The following IQCH variants were observed in gnomAD, a reference collection of about 807,000 sequenced individuals.
IQCH encodes the protein IQ domain-containing protein H.
IQCH carries 98 observed loss-of-function variants against 117.0 expected under a neutral mutation model. The ratio of observed to expected loss-of-function variants is 0.84; its 90% CI spans 0.71 to 0.99. The LOEUF is 0.99. Ranked by LOEUF, IQCH falls within the 50% of genes least tolerant of loss-of-function variation. The pLI is 0.00. For missense variants in IQCH, 1,102 were observed against 1,243.8 expected (o/e 0.89, Z 1.72); for synonymous variants, 412 against 448.2 (o/e 0.92, Z 1.02).
In IQCH at chr15:67,381,632, T is replaced by C. The variant is rs538331059; in HGVS notation, c.1373-3304T>C. On this transcript the variant is annotated intron_variant, in intron 10 of 20. Coordinates refer to ENST00000335894, the MANE Select transcript of IQCH (RefSeq NM_001031715.3). This position sits in a 1 kb window ranked among gnomAD's most constrained non-coding sequence, Gnocchi z 5.1. Reference sequence around the variant, plus strand: ...GTTCTCCAGCTTAGAGACCCAATTTTAGAAGAGTTGAAAGAAGGGGGAGTG... The same window carrying C: ...GTTCTCCAGCTTAGAGACCCAATTTCAGAAGAGTTGAAAGAAGGGGGAGTG... Among the ~76,000 whole-genome samples the C allele has an allele frequency of 1.3e-5, 2 of 152,198 alleles. No homozygotes were observed. Among genetic ancestry groups the C allele is most frequent in the East Asian group, 3.9e-4 (2 of 5,180 alleles).
intron 4 of IQCH, among the ~76,000 whole-genome samples, chr15:67,286,901 C>T (rs1274902127): frequency 6.6e-6 from 1 of 152,190 alleles, no homozygotes; most frequent in Non-Finnish European, 1.5e-5. Context: ...GTGTGAGCCA[C>T]CACGCCCGGC....
intron 3 of IQCH, among the ~76,000 whole-genome samples, chr15:67,273,609 T>G (rs1332344400): frequency 2.0e-5 from 3 of 152,226 alleles, no homozygotes; most frequent in Admixed American, 6.5e-5. Flanking sequence ...CCTTACATAG[T>G]TTTATATTGC....
rs907905933 is a variant in IQCH, at chr15:67,496,770, G to A, written c.2970+2404G>A. Among the ~76,000 whole-genome samples, 5 of 152,040 alleles carry A rather than the reference G, an allele frequency of 3.3e-5. No individual in the cohort carries two copies. Among genetic ancestry groups the A allele is most frequent in the Admixed American group, 2.6e-4 (4 of 15,268 alleles). On this transcript the variant is annotated intron_variant, in intron 20 of 20. Transcript: ENST00000335894. This position sits in a 1 kb window ranked among gnomAD's most constrained non-coding sequence, Gnocchi z 4.4. ...ACGGTGGCTCACGCCTGTAATCCCA[G>A]CACTTTGGGAGGCCGAGGCTGGTGG...
intron 18 of IQCH, among the ~76,000 whole-genome samples, chr15:67,485,894 T>C (rs2083461761): frequency 6.6e-6 from 1 of 152,048 alleles, no homozygotes; most frequent in South Asian, 2.1e-4. Context: ...CTTTACCTCA[T>C]GATCGGCCCG....
chr15:67,283,708 A>G (rs1033227220), intron 4 of IQCH, among the ~76,000 whole-genome samples: 8 of 152,114 alleles, frequency 5.3e-5, no homozygotes, highest in Non-Finnish European at 8.8e-5. Flanking sequence ...TTTCGATATA[A>G]AAGTAATGGA....
intron 4 of IQCH, among the ~76,000 whole-genome samples, chr15:67,292,809 A>C (rs1966796905): frequency 6.6e-6 from 1 of 152,210 alleles, no homozygotes; most frequent in Non-Finnish European, 1.5e-5. Context: ...GTAATTCTTG[A>C]ATATAATAAA....
At chr15:67,309,697 G>A (rs1025042998) in intron 4 of IQCH, among the ~76,000 whole-genome samples, 5 of 151,700 alleles carry the variant, frequency 3.3e-5, no homozygotes, top group African/African-American at 1.2e-4. Flanking sequence ...GTTTCCAAGA[G>A]CAGGTTACTC....
At chr15:67,358,728 AAAAG>A (rs1438242364) in intron 7 of IQCH, among the ~76,000 whole-genome samples, 10 of 152,240 alleles carry the variant, frequency 6.6e-5, no homozygotes, top group African/African-American at 2.4e-4. Flanking sequence ...CTCTCATAAG[AAAAG>A]AAAGAAAGAG....
chr15:67,376,211 C>A lies in IQCH; in HGVS notation c.1372+2778C>A, dbSNP rs146307053. Among the ~76,000 whole-genome samples, 1 of 152,094 alleles carries A rather than the reference C, an allele frequency of 6.6e-6. No individual in the cohort carries two copies. The highest frequency in any genetic ancestry group is 1.5e-5 in the Non-Finnish European group (1 of 68,028). ...ATATATTTTTAAGGATATAGGGTACCCTTTTTTTGTGTACCACATCCCTGG... is the reference window on the plus strand; with the variant it reads ...ATATATTTTTAAGGATATAGGGTACACTTTTTTTGTGTACCACATCCCTGG... On this transcript the variant is annotated intron_variant, in intron 10 of 20. Transcript: ENST00000335894. This position sits in a 1 kb window ranked among gnomAD's most constrained non-coding sequence, Gnocchi z 5.0.
At chr15:67,357,304 C>A (rs368768816) in intron 6 of IQCH, 41 bp from the exon 7 acceptor site, 1 of 1,386,382 alleles carries the variant, frequency 7.2e-7, no homozygotes, top group Middle Eastern at 1.8e-4. Context: ...GACTCAGCCT[C>A]TTCTTCTGGA....
Position 67,390,676 on chromosome 15 carries a change from AC to A in IQCH, c.1632+1671del, listed in dbSNP as rs1971255335. Among the ~76,000 whole-genome samples the A allele has an allele frequency of 6.6e-6, 1 of 152,022 alleles. No homozygotes were observed. The highest frequency in any genetic ancestry group is 2.1e-4 in the South Asian group (1 of 4,810). ...GCTAATTTTTGTATTTTTAGTAGAG[AC>A]AGGGTTTCATTATGTTGGCCAGGCT... On this transcript the variant is annotated intron_variant, in intron 12 of 20. Coordinates refer to ENST00000335894, the MANE Select transcript of IQCH (RefSeq NM_001031715.3). The surrounding 1 kb of genome is among the most constrained non-coding windows in gnomAD (Gnocchi z 5.0).
intron 4 of IQCH, among the ~76,000 whole-genome samples, chr15:67,290,995 A>G (rs1966731775): frequency 6.6e-6 from 1 of 152,162 alleles, no homozygotes; most frequent in Admixed American, 6.6e-5. Flanking sequence ...TTTTCTGCAC[A>G]AGAAGAGCTA....
At position 67,460,611 on chromosome 15, in the gene IQCH, A is replaced by C. The variant is rs1027875282; in HGVS notation, c.2506-4516A>C. ...TATTCCTTGTGCTCTTAAGACCTTA[A>C]TATAAATCTCTCTAGCATTCTAACC... is the stretch of plus-strand genomic sequence containing the variant. On this transcript the variant is annotated intron_variant, in intron 16 of 20. Coordinates refer to ENST00000335894, the MANE Select transcript of IQCH (RefSeq NM_001031715.3). Among the ~76,000 whole-genome samples the C allele has an allele frequency of 2.4e-4, 37 of 152,330 alleles. 1 individual carries two copies. The highest frequency in any genetic ancestry group is 1.8e-3 in the Admixed American group (27 of 15,306).
chr15:67,346,722 A>G (rs1969411515), intron 6 of IQCH, among the ~76,000 whole-genome samples: 1 of 152,204 alleles, frequency 6.6e-6, no homozygotes. Flanking sequence ...GTAGACCATT[A>G]TAGAGCATTA....
Position 67,279,470 on chromosome 15 carries a change from A to G in IQCH, c.345A>G (p.Gln115=), listed in dbSNP as rs1247621104. 1.2e-6 allele frequency: 2 copies of G among 1,609,796 alleles called. No homozygotes were observed. The highest frequency in any genetic ancestry group is 8.5e-7 in the Non-Finnish European group (1 of 1,177,184). The change falls in exon 4 of 21, where the codon CAA becomes CAG. Residue 115 remains glutamine (Q), a synonymous_variant. Transcript: ENST00000335894. ...QESEGTFWQP[Q]RQHSSSLPVF... is the part of the protein sequence containing the mutation. The stretch of plus-strand genomic sequence containing the variant: ...CTGAGGGTACATTTTGGCAACCCCA[A>G]AGACAGCACAGTTCATCTCTGCCTG...
rs1464173291 is a variant in IQCH, at chr15:67,430,103, A to G, written c.2505+8526A>G. Among the ~76,000 whole-genome samples, 1 of 152,156 alleles carries G rather than the reference A, an allele frequency of 6.6e-6. No homozygotes were observed. The highest frequency in any genetic ancestry group is 6.5e-5 in the Admixed American group (1 of 15,268). Reference sequence around the variant, plus strand: ...AAATGGGGAAATTCTAGGCCTTCAGAGATGGCACGCAGAGTACATGGCACT... The same window carrying G: ...AAATGGGGAAATTCTAGGCCTTCAGGGATGGCACGCAGAGTACATGGCACT... On this transcript the variant is annotated intron_variant, in intron 16 of 20. Transcript: ENST00000335894. This position sits in a 1 kb window ranked among gnomAD's most constrained non-coding sequence, Gnocchi z 5.1.
intron 3 of IQCH, among the ~76,000 whole-genome samples, chr15:67,278,459 A>G (rs996158899): frequency 1.3e-5 from 2 of 152,232 alleles, no homozygotes; most frequent in Non-Finnish European, 2.9e-5. Flanking sequence ...TTGTCAGTGT[A>G]GGTTCCAACA....
rs1020573501 is a variant in IQCH at position 67,263,044 on chromosome 15, G to T, written c.175-78G>T. The T allele has an allele frequency of 6.3e-6, 5 of 789,438 alleles. No individual in the cohort carries two copies. The African/African-American group carries it at 6.8e-5, about 11-fold the overall frequency. The allele number at this position is 789,438 out of a possible 1,614,324, so 48.9% of individuals were successfully genotyped here. A position where few individuals can be genotyped will look rare whatever the true frequency, so the allele number is the denominator to read the frequency against. On this transcript the variant is annotated intron_variant, in intron 2 of 20. Coordinates refer to ENST00000335894, the MANE Select transcript of IQCH (RefSeq NM_001031715.3). The stretch of plus-strand genomic sequence containing the variant: ...TTTTGGCTTAATTACAGGATTCAGA[G>T]TATTAACCTAATGAAGTAAATTAGC...
At chr15:67,274,909 A>G (rs562376654) in intron 3 of IQCH, among the ~76,000 whole-genome samples, 1 of 152,308 alleles carries the variant, frequency 6.6e-6, no homozygotes, top group African/African-American at 2.4e-5. Context: ...GTCAAATCTA[A>G]TAAAGGATCA....
Sources: allele counts gnomAD v4.1 joint callset (sites outside exome capture counted in the v4.1 genomes callset), GRCh38; gene constraint gnomAD v4.1.1; non-coding constraint Gnocchi (gnomAD v3.1); transcripts MANE v1.5; gene names NCBI Gene and HGNC (gene_info 2026-07-23, HGNC 2026-07-21).